Variants in TEX15 observed in about 807,000 individuals in gnomAD.
TEX15 encodes the protein testis-expressed protein 15.
A neutral mutation model predicts 237.3 loss-of-function variants in TEX15; 171 were observed. That is an observed-to-expected ratio of 0.72 (90% confidence interval 0.64 to 0.82). The LOEUF (loss-of-function observed/expected upper bound fraction) is 0.82, where lower values mean the gene tolerates loss of function less well. Ranked by LOEUF, TEX15 falls within the 40% of genes least tolerant of loss-of-function variation. The probability of loss-of-function intolerance (pLI) is 0.00; values close to 1 mark genes in which losing one functional copy is unlikely to be tolerated. For missense variants in TEX15, 3,750 were observed against 3,646.5 expected (o/e 1.03, Z -0.73); for synonymous variants, 1,338 against 1,269.8 (o/e 1.05, Z -1.14).
chr8:30,867,788 C>G (rs773629892), intron 4 of TEX15, among the ~76,000 whole-genome samples: 11 of 152,070 alleles, frequency 7.2e-5, no homozygotes, highest in Non-Finnish European at 1.6e-4. Flanking sequence ...GCATTACATG[C>G]ATCTTCTCAT....
At chr8:30,869,832 T>C (rs1214364818) in intron 4 of TEX15, among the ~76,000 whole-genome samples, 1 of 151,978 alleles carries the variant, frequency 6.6e-6, no homozygotes, top group Admixed American at 6.6e-5. Context: ...ATAACGTAAC[T>C]GGGTAAGAAT....
At position 30,846,011 on chromosome 8, in the gene TEX15, G is replaced by C. The variant is rs376395436; in HGVS notation, c.4156C>G (p.His1386Asp). 6 of 1,612,602 alleles carry C rather than the reference G, an allele frequency of 3.7e-6. No individual in the cohort carries two copies. In the African/African-American group the frequency reaches 8.0e-5, roughly 22 times the overall value. The change falls in exon 8 of 11, where the codon CAC becomes GAC. Residue 1386 changes from histidine (H) to aspartate (D), a missense_variant. Coordinates refer to ENST00000643185, the MANE Select transcript of TEX15 (RefSeq NM_001350162.2). Reference sequence around the variant, plus strand: ...ACTCTTCTATGAGCTTTTTTTAAGTGAACAACTGCTTTGTCTAGTTTTCTG... The same window carrying C: ...ACTCTTCTATGAGCTTTTTTTAAGTCAACAACTGCTTTGTCTAGTTTTCTG... The part of the protein sequence containing the change: ...LSRKLDKAVV[H>D]LKKAHRRVHT...
intron 1 of TEX15, among the ~76,000 whole-genome samples, chr8:30,905,318 G>C (rs151200061): frequency 6.6e-5 from 10 of 151,140 alleles, no homozygotes; most frequent in African/African-American, 2.4e-4. Flanking sequence ...GTCCCCAGGA[G>C]AAATAAACTG....
rs765787621 is a variant in TEX15 at position 30,837,585 on chromosome 8, C to G, written c.8699G>C (p.Cys2900Ser). 1 of 1,613,944 alleles carries G rather than the reference C, an allele frequency of 6.2e-7. No individual in the cohort carries two copies. The highest frequency in any genetic ancestry group is 1.3e-5 in the African/African-American group (1 of 74,912). The change falls in exon 10 of 11, where the codon TGT becomes TCT. Residue 2900 changes from cysteine to serine, a missense_variant. By Grantham distance (112) the Cys-to-Ser change is moderately radical. Coordinates refer to ENST00000643185, the MANE Select transcript of TEX15 (RefSeq NM_001350162.2). ...DASVLSKPIF[C>S]FVKDVHPDLE... ...ATCAGGATGGACATCTTTCACAAAA[C>G]AGAAAATTGGCTTTGAGAGCACCGA... is the stretch of plus-strand genomic sequence containing the variant.
Position 30,845,566 on chromosome 8 carries a change from T to C in TEX15, c.4601A>G (p.Tyr1534Cys), listed in dbSNP as rs750424771. The change falls in exon 8 of 11, where the codon TAT (tyrosine) becomes TGT (cysteine). Residue 1534 changes from tyrosine to cysteine, a missense_variant. Physicochemically the swap from Tyr to Cys is radical, Grantham distance 194 (BLOSUM62 -2). Coordinates refer to ENST00000643185, the MANE Select transcript of TEX15 (RefSeq NM_001350162.2). ...ACTTGGATTGCTTACACTGCTATTA[T>C]AATAAACTGACTGACTTGTACTTTG... Reference protein sequence around the residue: ...TSQSTSQSVYYNSSVSNPSLS... With the variant: ...TSQSTSQSVYCNSSVSNPSLS... The C allele has an allele frequency of 1.9e-6, 3 of 1,613,698 alleles. No homozygotes were observed. Among genetic ancestry groups the C allele is most frequent in the Admixed American group, 1.7e-5 (1 of 60,004 alleles).
At chr8:30,906,039 TTAG>T (rs137861339) in intron 1 of TEX15, among the ~76,000 whole-genome samples, 8,108 of 152,230 alleles carry the variant, frequency 0.053, 671 homozygotes, top group African/African-American at 0.18. Context: ...ATAACAGTAT[TTAG>T]TAGATTAATT....
intron 4 of TEX15, among the ~76,000 whole-genome samples, chr8:30,869,563 A>G (rs1291742058): frequency 2.0e-5 from 3 of 151,992 alleles, no homozygotes; most frequent in African/African-American, 7.2e-5. Flanking sequence ...CCCATGAGGA[A>G]GCATAAAGAG....
Position 30,859,902 on chromosome 8 carries a change from T to C in TEX15, c.687+9A>G, listed in dbSNP as rs1808004446. The C allele has an allele frequency of 7.0e-7, 1 of 1,429,836 alleles. No homozygotes were observed. Among genetic ancestry groups the C allele is most frequent in the Admixed American group, 3.0e-5 (1 of 32,876 alleles). The allele number at this position is 1,429,836 out of a possible 1,614,324, so 88.6% of individuals were successfully genotyped here. A position where few individuals can be genotyped will look rare whatever the true frequency, so the allele number is the denominator to read the frequency against. On this transcript the variant is annotated intron_variant, in intron 6 of 10. Coordinates refer to ENST00000643185, the MANE Select transcript of TEX15 (RefSeq NM_001350162.2). ...ACTTTTCAAGAAATCAAATGAACCA[T>C]TAACATACTGCTGAACTGTAGGCTT...
At chr8:30,897,732 T>C (rs1808932803) in intron 2 of TEX15, among the ~76,000 whole-genome samples, 1 of 152,122 alleles carries the variant, frequency 6.6e-6, no homozygotes, top group Non-Finnish European at 1.5e-5. Flanking sequence ...ACAATTACAG[T>C]TCATTGTAAC....
At position 30,886,650 on chromosome 8, in the gene TEX15, C is replaced by A. The variant is rs116082940; in HGVS notation, c.136+517G>T. On this transcript the variant is annotated intron_variant, in intron 3 of 10. Coordinates refer to ENST00000643185, the MANE Select transcript of TEX15 (RefSeq NM_001350162.2). ...GTCAGAGTCCAGGATCCCCACTCAA[C>A]CTCCTCTGCCATCACCCCAGTGGGA... 4.6e-3 allele frequency among the ~76,000 whole-genome samples: 694 copies of A among 152,322 alleles called. 4 individuals carry two copies. The highest frequency in any genetic ancestry group is 0.015 in the African/African-American group (641 of 41,574).
intron 3 of TEX15, among the ~76,000 whole-genome samples, chr8:30,881,616 A>ATTT (rs199820564): frequency 1.2e-5 from 1 of 86,908 alleles, no homozygotes. Flanking sequence ...TTGACTTTTT[A>ATTT]TTTTTTTTTA....
chr8:30,876,337 T>G (rs967429514), intron 3 of TEX15, among the ~76,000 whole-genome samples: 1 of 152,228 alleles, frequency 6.6e-6, no homozygotes, highest in Non-Finnish European at 1.5e-5. Context: ...TATCACCTTT[T>G]GAAATGTTTG....
chr8:30,860,809 G>A (rs1239909375), intron 5 of TEX15, among the ~76,000 whole-genome samples: 1 of 151,680 alleles, frequency 6.6e-6, no homozygotes, highest in Non-Finnish European at 1.5e-5. Flanking sequence ...CTCGGCTTCC[G>A]AAAAGCGTTG....
intron 1 of TEX15, among the ~76,000 whole-genome samples, chr8:30,911,020 A>G (rs1265800921): frequency 6.6e-6 from 1 of 152,228 alleles, no homozygotes; most frequent in Non-Finnish European, 1.5e-5. Flanking sequence ...AGCAGCGATG[A>G]TATATTTTGG....
At chr8:30,856,412 C>T (rs960012710) in intron 7 of TEX15, among the ~76,000 whole-genome samples, 2 of 151,848 alleles carry the variant, frequency 1.3e-5, no homozygotes, top group Non-Finnish European at 2.9e-5. Flanking sequence ...CAAAATTAGC[C>T]AGGTGTGGTG....
chr8:30,878,987 T>C (rs1281899431), intron 3 of TEX15, among the ~76,000 whole-genome samples: 1 of 152,228 alleles, frequency 6.6e-6, no homozygotes, highest in Non-Finnish European at 1.5e-5. Context: ...AGTATATAGT[T>C]ACATCTCATT....
chr8:30,855,112 G>A (rs1253178802), intron 7 of TEX15, among the ~76,000 whole-genome samples: 1 of 151,894 alleles, frequency 6.6e-6, no homozygotes, highest in African/African-American at 2.4e-5. Flanking sequence ...TGCTTAGCCA[G>A]GGCAATTATG....
intron 3 of TEX15, among the ~76,000 whole-genome samples, chr8:30,875,873 A>AT (rs1808391489): frequency 6.6e-6 from 1 of 150,962 alleles, no homozygotes; most frequent in African/African-American, 2.4e-5. Flanking sequence ...GTGCAGTGGT[A>AT]TGATCATTTC....
At chr8:30,876,262 C>A (rs932189248) in intron 3 of TEX15, among the ~76,000 whole-genome samples, 1 of 152,132 alleles carries the variant, frequency 6.6e-6, no homozygotes, top group Non-Finnish European at 1.5e-5. Context: ...TAAAAAAATT[C>A]TTTCTTAACA....
Sources: gnomAD v4.1 joint callset for allele counts (sites outside exome capture counted in the v4.1 genomes callset) on GRCh38, gnomAD v4.1.1 for gene constraint, MANE v1.5 for transcripts, NCBI Gene and HGNC (gene_info 2026-07-23, HGNC 2026-07-21) for gene names.